GRAMD4: variants seen among roughly 807,000 people sequenced by gnomAD.
The protein encoded by GRAMD4 is GRAM domain-containing protein 4.
A neutral mutation model predicts 83.9 loss-of-function variants in GRAMD4; 25 were observed. The ratio of observed to expected loss-of-function variants is 0.30; its 90% CI spans 0.22 to 0.42. The LOEUF is 0.42. Among genes scored for constraint, GRAMD4 ranks in the 10% least tolerant of loss-of-function variants. The probability of loss-of-function intolerance (pLI) is 1.00; values close to 1 mark genes in which losing one functional copy is unlikely to be tolerated. For missense variants in GRAMD4, 593 were observed against 788.7 expected (o/e 0.75, Z 2.97); for synonymous variants, 336 against 320.9 (o/e 1.05, Z -0.50).
chr22:46,649,074 C>CTCCA (rs2082128443), intron 3 of GRAMD4, among the ~76,000 whole-genome samples: 1 of 152,232 alleles, frequency 6.6e-6, no homozygotes, highest in Non-Finnish European at 1.5e-5. Context: ...CCTTCCAGAG[C>CTCCA]TCCAGATGCA....
intron 1 of GRAMD4, chr22:46,587,874 G>A: frequency 1.0e-6 from 1 of 983,762 alleles, no homozygotes; most frequent in Non-Finnish European, 1.2e-6. Context: ...CCGGGCGTCG[G>A]GGTGGGGCCG....
chr22:46,644,318 CT>C (rs1181753876), intron 3 of GRAMD4, among the ~76,000 whole-genome samples: 1 of 152,146 alleles, frequency 6.6e-6, no homozygotes, highest in East Asian at 1.9e-4. Context: ...ACACCTGCCC[CT>C]GTTCCGTGTT....
intron 2 of GRAMD4, among the ~76,000 whole-genome samples, chr22:46,627,732 G>T (rs986143653): frequency 3.3e-5 from 5 of 152,238 alleles, no homozygotes; most frequent in African/African-American, 1.2e-4. Context: ...GGGAGCGCCG[G>T]CCTTCCCTGG....
At chr22:46,676,520 G>A (rs2082600727) in intron 17 of GRAMD4, 80 bp from the exon 18 acceptor site, 2 of 1,275,016 alleles carry the variant, frequency 1.6e-6, no homozygotes, top group Non-Finnish European at 2.2e-6. Context: ...CAGTGGAGGA[G>A]GATGCCCTGG....
At chr22:46,669,766 A>ATGGGGTTT (rs2082473840) in intron 13 of GRAMD4, among the ~76,000 whole-genome samples, 2 of 151,630 alleles carry the variant, frequency 1.3e-5, no homozygotes, top group Non-Finnish European at 2.9e-5. Context: ...TTTAGTAGAG[A>ATGGGGTTT]CGGGGTTTCA....
Position 46,674,741 on chromosome 22 carries a change from T to A in GRAMD4, c.1469T>A (p.Val490Asp), listed in dbSNP as rs2082568677. 1 of 1,609,030 alleles carries A rather than the reference T, an allele frequency of 6.2e-7. No individual in the cohort carries two copies. The highest frequency in any genetic ancestry group is 1.7e-5 in the Admixed American group (1 of 60,008). Reference protein sequence around the residue: ...TDYIRNGVLYVTENYLCFESS... With the variant: ...TDYIRNGVLYDTENYLCFESS... ...TACATCAGGAACGGGGTGCTCTACG[T>A]CACGGAGAAGTGAGTGCAGCCGTGG... The change falls in exon 16 of 19, where the codon GTC (valine) becomes GAC (aspartate). Residue 490 changes from valine to aspartate, a missense_variant. By Grantham distance (152) the Val-to-Asp change is radical. Coordinates refer to ENST00000406902, the MANE Select transcript of GRAMD4 (RefSeq NM_015124.5).
chr22:46,635,659 CTCCCAGCCA>C, intron 2 of GRAMD4, among the ~76,000 whole-genome samples: 1 of 129,032 alleles, frequency 7.8e-6, no homozygotes, highest in Non-Finnish European at 1.7e-5. Context: ...CCTGCCCCCA[CTCCCAGCCA>C]CCCCTGTCCA....
At position 46,626,892 on chromosome 22, in the gene GRAMD4, A is replaced by G; in HGVS notation, c.93A>G (p.Glu31=). 1 of 1,614,170 alleles carries G rather than the reference A, an allele frequency of 6.2e-7. No homozygotes were observed. The highest frequency in any genetic ancestry group is 8.5e-7 in the Non-Finnish European group (1 of 1,179,990). The change falls in exon 2 of 19, where the codon GAA becomes GAG. Residue 31 remains glutamate (E), a synonymous_variant. Coordinates refer to ENST00000406902, the MANE Select transcript of GRAMD4 (RefSeq NM_015124.5). The part of the protein sequence containing the change: ...LAESPNASDT[E]CSDEIPLKVP... ...AGTCTCCAAATGCCTCGGACACCGA[A>G]TGCAGCGACGAAATCCCCCTGAAGG...
chr22:46,629,556 A>G (rs1175577635), intron 2 of GRAMD4, among the ~76,000 whole-genome samples: 1 of 151,284 alleles, frequency 6.6e-6, no homozygotes, highest in Non-Finnish European at 1.5e-5. Context: ...CCCTCTCATC[A>G]CCCTTCTTTA....
At chr22:46,630,608 CT>C (rs1268798503) in intron 2 of GRAMD4, among the ~76,000 whole-genome samples, 5 of 152,240 alleles carry the variant, frequency 3.3e-5, no homozygotes, top group South Asian at 2.1e-4. Flanking sequence ...CTGACCGCCC[CT>C]CTCAGTGCTC....
intron 1 of GRAMD4, among the ~76,000 whole-genome samples, chr22:46,596,249 G>C (rs2081261152): frequency 1.3e-5 from 2 of 152,226 alleles, no homozygotes; most frequent in Non-Finnish European, 2.9e-5. Context: ...TGCCATCGGG[G>C]CTGGAGTCTT....
At chr22:46,682,003 G>A (rs556718073), downstream of GRAMD4, among the ~76,000 whole-genome samples, 107 of 152,332 alleles carry the variant, frequency 7.0e-4, 2 homozygotes, top group African/African-American at 2.2e-3. Flanking sequence ...CCAAGACCCC[G>A]TCCTGTGTTG....
intron 17 of GRAMD4, among the ~76,000 whole-genome samples, chr22:46,676,138 C>T (rs575436987): frequency 7.2e-5 from 11 of 152,324 alleles, no homozygotes; most frequent in African/African-American, 2.4e-4. Flanking sequence ...CGGGCACTCC[C>T]GGCCCCACGG....
chr22:46,661,243 T>C (rs1275440941), intron 4 of GRAMD4, 138 bp from the exon 5 acceptor site: 2 of 648,438 alleles, frequency 3.1e-6, no homozygotes, highest in Non-Finnish European at 2.8e-6. Context: ...ATTTCAGCAG[T>C]GGAGACTCTG....
rs368967710 is a variant in GRAMD4, at chr22:46,668,100, C to G, written c.863C>G (p.Pro288Arg). 21 of 1,608,012 alleles carry G rather than the reference C, an allele frequency of 1.3e-5. No individual in the cohort carries two copies. Among genetic ancestry groups the G allele is most frequent in the African/African-American group, 2.7e-5 (2 of 74,798 alleles). Reference protein sequence around the residue: ...IVPEVSEPVEPPKEDLTVSEK... With the variant: ...IVPEVSEPVERPKEDLTVSEK... ...CTCTTTCCCCTTTTACTGAAGGAAC[C>G]TCCAAAGGAAGACCTGACTGTGTCT... The change falls in exon 11 of 19, where the codon CCT becomes CGT. Residue 288 changes from proline (P) to arginine (R), a missense_variant. Transcript: ENST00000406902.
chr22:46,668,415 G>A (rs2147379000), intron 11 of GRAMD4, among the ~76,000 whole-genome samples: 1 of 152,272 alleles, frequency 6.6e-6, no homozygotes. Context: ...TGCGGACGGT[G>A]CGCGAGGGTG....
chr22:46,657,053 T>C (rs1329527770), intron 3 of GRAMD4, among the ~76,000 whole-genome samples: 2 of 152,204 alleles, frequency 1.3e-5, no homozygotes, highest in African/African-American at 4.8e-5. Context: ...TAAACCAGCA[T>C]TGTTCCACCT....
chr22:46,620,485 G>T lies in GRAMD4; in HGVS notation c.-130G>T, dbSNP rs1430156145. The T allele has an allele frequency of 2.0e-6, 2 of 984,372 alleles. No homozygotes were observed. Among genetic ancestry groups the T allele is most frequent in the Non-Finnish European group, 2.4e-6 (2 of 829,506 alleles). The allele number at this position is 984,372 out of a possible 1,614,324, so 61.0% of individuals were successfully genotyped here. A position where few individuals can be genotyped will look rare whatever the true frequency, so the allele number is the denominator to read the frequency against. On this transcript the variant is annotated 5_prime_UTR_variant, in exon 1 of 19. Coordinates refer to ENST00000406902, the MANE Select transcript of GRAMD4 (RefSeq NM_015124.5). The surrounding 1 kb of genome is among the most constrained non-coding windows in gnomAD (Gnocchi z 4.7). ...TGGAGGCTATGGTTCCTGGGTCCTC[G>T]TAGCACATCCTGGTTCTGGGCCAGG...
chr22:46,651,863 G>A (rs1478398276), intron 3 of GRAMD4, among the ~76,000 whole-genome samples: 4 of 152,144 alleles, frequency 2.6e-5, no homozygotes, highest in South Asian at 2.1e-4. Flanking sequence ...GGAGAGAGAC[G>A]GAGCTAGGGG....
Sources: allele counts gnomAD v4.1 joint callset (sites outside exome capture counted in the v4.1 genomes callset), GRCh38; gene constraint gnomAD v4.1.1; non-coding constraint Gnocchi (gnomAD v3.1); transcripts MANE v1.5; gene names NCBI Gene and HGNC (gene_info 2026-07-23, HGNC 2026-07-21).